Variants in DPP10 observed in about 807,000 individuals in gnomAD.
DPP10 encodes dipeptidyl peptidase like 10.
In DPP10, 33 loss-of-function variants were observed where a neutral mutation model predicts 120.9. The ratio of observed to expected loss-of-function variants is 0.27; its 90% confidence interval spans 0.21 to 0.37. The LOEUF (loss-of-function observed/expected upper bound fraction) is 0.37. DPP10 is among the 10% of genes least tolerant of loss of function. The pLI is 1.00. For synonymous variants in DPP10, 337 were observed against 326.1 expected, an observed-to-expected ratio of 1.03 and a Z score of -0.36; for missense variants, 816 against 942.8, an observed-to-expected ratio of 0.87 and a Z score of 1.76.
At chr2:115,524,024 T>C (rs1487339428) in intron 4 of DPP10, among the ~76,000 whole-genome samples, 1 of 152,192 alleles carries the variant, frequency 6.6e-6, no homozygotes, top group Non-Finnish European at 1.5e-5. Context: ...AGCATTGCCA[T>C]ATGGTGATGT....
chr2:115,329,803 ATATG>A (rs2062598101), intron 2 of DPP10, among the ~76,000 whole-genome samples: 2 of 152,142 alleles, frequency 1.3e-5, no homozygotes, highest in African/African-American at 4.8e-5. Flanking sequence ...TCCATGGTGT[ATATG>A]TACCACATTT....
At chr2:115,530,280 C>G (rs2078382314) in intron 5 of DPP10, among the ~76,000 whole-genome samples, 1 of 151,932 alleles carries the variant, frequency 6.6e-6, no homozygotes. Flanking sequence ...TTACCTCCTT[C>G]AAGAAATTTA....
chr2:114,649,329 T>A (rs1036534304), intron 1 of DPP10, among the ~76,000 whole-genome samples: 1 of 150,924 alleles, frequency 6.6e-6, no homozygotes, highest in Non-Finnish European at 1.5e-5. Context: ...TTAATTGGTA[T>A]GTAATGGATC....
rs116129923 is a variant in DPP10, at chr2:114,811,294, T to C, written c.60+368456T>C. 5.4e-3 allele frequency among the ~76,000 whole-genome samples: 818 copies of C among 152,316 alleles called. 9 individuals carry two copies. Among genetic ancestry groups the C allele is most frequent in the African/African-American group, 0.019 (775 of 41,568 alleles). ...ACATTTCAGAAAGCTTAAATTCATA[T>C]GATGAGGGAGGAGATATGTCTGGGA... On this transcript the variant is annotated intron_variant, in intron 1 of 25. Coordinates refer to ENST00000410059, the MANE Select transcript of DPP10 (RefSeq NM_020868.6).
At chr2:115,072,182 A>C (rs1707420282) in intron 1 of DPP10, among the ~76,000 whole-genome samples, 1 of 152,178 alleles carries the variant, frequency 6.6e-6, no homozygotes, top group Non-Finnish European at 1.5e-5. Flanking sequence ...TTTTTTTAAA[A>C]AGCACATATA....
chr2:114,975,300 TC>T (rs1699681198), intron 1 of DPP10, among the ~76,000 whole-genome samples: 1 of 151,968 alleles, frequency 6.6e-6, no homozygotes, highest in Non-Finnish European at 1.5e-5. Flanking sequence ...CACCTTGGCC[TC>T]CCAAAGTGCT....
chr2:115,367,417 A>G (rs147513998), intron 3 of DPP10, among the ~76,000 whole-genome samples: 1 of 152,142 alleles, frequency 6.6e-6, no homozygotes, highest in Non-Finnish European at 1.5e-5. Flanking sequence ...GATGTCTACT[A>G]TATACAACTA....
chr2:114,829,426 C>T (rs1055315270), intron 1 of DPP10, among the ~76,000 whole-genome samples: 9 of 150,084 alleles, frequency 6.0e-5, no homozygotes, highest in African/African-American at 2.2e-4. Flanking sequence ...TCTTGTCACC[C>T]AGGCTGGAGT....
chr2:115,270,888 G>GT (rs61252278), intron 1 of DPP10, among the ~76,000 whole-genome samples: 2,830 of 112,002 alleles, frequency 0.025, 30 homozygotes, highest in African/African-American at 0.058. Flanking sequence ...TCTTTATATT[G>GT]TTTTTTTTTA....
At chr2:115,172,270 G>C (rs1251732436) in intron 1 of DPP10, among the ~76,000 whole-genome samples, 1 of 151,970 alleles carries the variant, frequency 6.6e-6, no homozygotes, top group Non-Finnish European at 1.5e-5. Context: ...TGTAGTCCCA[G>C]CTACTCCGGA....
chr2:115,379,670 G>A (rs2066135612), intron 3 of DPP10, among the ~76,000 whole-genome samples: 1 of 152,018 alleles, frequency 6.6e-6, no homozygotes, highest in South Asian at 2.1e-4. Context: ...GATCTTTCCT[G>A]CTTTGTCTTG....
intron 1 of DPP10, among the ~76,000 whole-genome samples, chr2:114,544,403 T>C (rs189713731): frequency 1.8e-4 from 27 of 152,362 alleles, no homozygotes; most frequent in African/African-American, 5.8e-4. Flanking sequence ...GTATGTTTCT[T>C]GCCTTCAAAG....
chr2:115,425,911 A>C (rs1193033890), intron 3 of DPP10, among the ~76,000 whole-genome samples: 1 of 152,190 alleles, frequency 6.6e-6, no homozygotes, highest in Non-Finnish European at 1.5e-5. Flanking sequence ...AGCAAGGAAG[A>C]AAGGGGAAGG....
At chr2:115,674,834 C>G (rs1361996826) in intron 5 of DPP10, among the ~76,000 whole-genome samples, 1 of 152,122 alleles carries the variant, frequency 6.6e-6, no homozygotes, top group Non-Finnish European at 1.5e-5. Flanking sequence ...AAGAAAACAA[C>G]TTTCTTCCGA....
chr2:115,150,377 T>C (rs1202372954), intron 1 of DPP10, among the ~76,000 whole-genome samples: 2 of 152,222 alleles, frequency 1.3e-5, no homozygotes, highest in Admixed American at 6.5e-5. Context: ...CTCTTATCTA[T>C]AGTGAAAATT....
At chr2:114,737,865 T>C (rs1029887124) in intron 1 of DPP10, among the ~76,000 whole-genome samples, 15 of 152,238 alleles carry the variant, frequency 9.9e-5, no homozygotes, top group African/African-American at 2.9e-4. Flanking sequence ...AGGTATAATA[T>C]GTAAGTGGAC....
intron 1 of DPP10, among the ~76,000 whole-genome samples, chr2:114,920,734 G>T (rs1425033746): frequency 6.6e-6 from 1 of 152,006 alleles, no homozygotes; most frequent in Non-Finnish European, 1.5e-5. Flanking sequence ...TACCATATTT[G>T]CAATCTGACC....
intron 1 of DPP10, among the ~76,000 whole-genome samples, chr2:114,456,210 C>T (rs1424945421): frequency 6.6e-6 from 1 of 152,108 alleles, no homozygotes. Context: ...GCAGGAGAAA[C>T]AATAGAGAAT....
intron 7 of DPP10, among the ~76,000 whole-genome samples, chr2:115,691,364 T>C (rs890941330): frequency 1.3e-5 from 2 of 152,186 alleles, no homozygotes; most frequent in Non-Finnish European, 2.9e-5. Context: ...TATAGGTTCT[T>C]GATCCATCCA....
Sources: allele counts gnomAD v4.1 joint callset (sites outside exome capture counted in the v4.1 genomes callset), GRCh38; gene constraint gnomAD v4.1.1; transcripts MANE v1.5; gene names NCBI Gene and HGNC (gene_info 2026-07-23, HGNC 2026-07-21).